FAM149A: variants seen among roughly 807,000 people sequenced by gnomAD.
FAM149A encodes the protein protein FAM149A.
FAM149A carries 71 observed loss-of-function variants against 78.2 expected under a neutral mutation model. That is an observed-to-expected ratio of 0.91 (90% CI 0.75 to 1.11). The LOEUF is 1.11. Among genes scored for constraint, FAM149A ranks in the 50% least tolerant of loss-of-function variants. The probability of loss-of-function intolerance (pLI) is 0.00; values close to 1 mark genes in which losing one functional copy is unlikely to be tolerated. For missense variants in FAM149A, 1,036 were observed against 971.0 expected (o/e 1.07, Z -0.89); for synonymous variants, 446 against 410.5 (o/e 1.09, Z -1.04).
At position 186,154,488 on chromosome 4, in the gene FAM149A, A is replaced by C. The variant is rs1733873180; in HGVS notation, c.1079A>C (p.Gln360Pro). Residue 360 changes from glutamine (Q) to proline (P), a missense_variant, in exon 6 of 14, where the codon CAA (glutamine) becomes CCA (proline). Transcript: ENST00000389354. ...CATAGGTTGTGCATTTCTGGCTCTC[A>C]AATAGTCCCAGCAGCACTCTCAGCC... is the stretch of plus-strand genomic sequence containing the variant. 1.2e-6 allele frequency: 2 copies of C among 1,611,878 alleles called. No homozygotes were observed. Among genetic ancestry groups the C allele is most frequent in the East Asian group, 4.5e-5 (2 of 44,840 alleles).
chr4:186,167,247 C>G lies in FAM149A; in HGVS notation c.2203C>G (p.Gln735Glu), dbSNP rs1735124587. 2 of 1,613,032 alleles carry G rather than the reference C, an allele frequency of 1.2e-6. No homozygotes were observed. Among genetic ancestry groups the G allele is most frequent in the Non-Finnish European group, 1.7e-6 (2 of 1,179,048 alleles). ...ATTTGCTGCTCACACATGGACAGGT[C>G]AAAGTATTTTGACAGGTCAGCTTTT... Residue 735 changes from glutamine (Q) to glutamate (E), a missense_variant, in exon 13 of 14, where the codon CAA becomes GAA. By Grantham distance (29) the Gln-to-Glu change is conservative. Transcript: ENST00000389354.
intron 6 of FAM149A, chr4:186,154,864 G>T: frequency 2.0e-6 from 2 of 985,384 alleles, no homozygotes; most frequent in Non-Finnish European, 2.4e-6. Flanking sequence ...AGCAGACAAG[G>T]CTCCTCGCAG....
At chr4:186,109,787 AC>A in intron 1 of FAM149A, 2 of 984,180 alleles carry the variant, frequency 2.0e-6, no homozygotes, top group Non-Finnish European at 2.4e-6. Context: ...CATTATATTT[AC>A]CATGTGGCTG....
At chr4:186,162,806 A>G (rs1272062728) in intron 8 of FAM149A, 39 bp from the exon 9 acceptor site, 1 of 1,038,508 alleles carries the variant, frequency 9.6e-7, no homozygotes, top group Non-Finnish European at 1.4e-6. Flanking sequence ...GGGCATTTGT[A>G]ATTCTTTTTT....
rs955742265 is a variant in FAM149A at position 186,164,718 on chromosome 4, CCTT to C, written c.1890-624_1890-622del. ...CAGCCTACCTGGGCCCCCTGTCACA[CCTT>C]CATCAAATAGAAACCCATTTATGTT... is the stretch of plus-strand genomic sequence containing the variant. On this transcript the variant is annotated intron_variant, in intron 10 of 13. Coordinates refer to ENST00000389354, the MANE Select transcript of FAM149A (RefSeq NM_001367768.3). The surrounding 1 kb of genome is among the most constrained non-coding windows in gnomAD (Gnocchi z 4.0). 6.6e-6 allele frequency among the ~76,000 whole-genome samples: 1 copy of C among 152,170 alleles called. No homozygotes were observed. The highest frequency in any genetic ancestry group is 2.4e-5 in the African/African-American group (1 of 41,428).
Position 186,163,038 on chromosome 4 carries a change from G to A in FAM149A, c.1679+90G>A, listed in dbSNP as rs537806729. The stretch of plus-strand genomic sequence containing the variant: ...AAGACTGCAGGGGACATGAGATCAC[G>A]AAGGTCCCATTTAATCCCGTGCTTC... On this transcript the variant is annotated intron_variant, in intron 9 of 13. Transcript: ENST00000389354. The A allele has an allele frequency of 1.9e-4, 151 of 794,300 alleles. No homozygotes were observed. In the African/African-American group the frequency reaches 2.3e-3, roughly 12 times the overall value. The allele number at this position is 794,300 out of a possible 1,614,324, so 49.2% of individuals were successfully genotyped here.
At position 186,157,623 on chromosome 4, in the gene FAM149A, C is replaced by T. The variant is rs369408594; in HGVS notation, c.1479C>T (p.Leu493=). 1.1e-5 allele frequency: 17 copies of T among 1,614,006 alleles called. No individual in the cohort carries two copies. The highest frequency in any genetic ancestry group is 1.4e-5 in the Non-Finnish European group (16 of 1,179,966). Reference sequence around the variant, plus strand: ...CTGGAAACAGATTTCCGCACGTCCTCGTTCCACACGCTCACGCCGATGGAG... The same window carrying T: ...CTGGAAACAGATTTCCGCACGTCCTTGTTCCACACGCTCACGCCGATGGAG... The change falls in exon 8 of 14, where the codon CTC becomes CTT. Residue 493 remains leucine (L), a synonymous_variant. Coordinates refer to ENST00000389354, the MANE Select transcript of FAM149A (RefSeq NM_001367768.3).
rs199974065 is a variant in FAM149A, at chr4:186,158,840, G to A, written c.1575+1121G>A. 19 of 990,128 alleles carry A rather than the reference G, an allele frequency of 1.9e-5. No individual in the cohort carries two copies. In the East Asian group the frequency reaches 5.5e-4, roughly 29 times the overall value. 61.3% of individuals were successfully genotyped at this position (990,128 alleles called of 1,614,324 possible). A position where few individuals can be genotyped will look rare whatever the true frequency, so the allele number is the denominator to read the frequency against. ...GAATGAGGAGGATCAACCACTGAGC[G>A]GTCTCAAGCTGTTCTTCCACAGGCC... is the stretch of plus-strand genomic sequence containing the variant. On this transcript the variant is annotated intron_variant, in intron 8 of 13. Transcript: ENST00000389354.
intron 1 of FAM149A, among the ~76,000 whole-genome samples, chr4:186,139,651 G>A (rs563102414): frequency 1.3e-5 from 2 of 152,274 alleles, no homozygotes; most frequent in African/African-American, 4.8e-5. Flanking sequence ...CACCTAATAC[G>A]TTTCTGTTGT....
chr4:186,116,377 G>C (rs931843087), intron 1 of FAM149A: 191 of 695,860 alleles, frequency 2.7e-4, no homozygotes, highest in Non-Finnish European at 1.2e-4. Flanking sequence ...GCTGGGAGCT[G>C]TAGACCGGAG....
chr4:186,163,219 G>A (rs1734752765), intron 9 of FAM149A, among the ~76,000 whole-genome samples: 1 of 152,210 alleles, frequency 6.6e-6, no homozygotes, highest in Non-Finnish European at 1.5e-5. Flanking sequence ...ATTACTGACA[G>A]GGAAAACCTT....
intron 1 of FAM149A, among the ~76,000 whole-genome samples, chr4:186,132,456 G>A (rs1410842587): frequency 6.6e-6 from 1 of 152,216 alleles, no homozygotes; most frequent in Non-Finnish European, 1.5e-5. Flanking sequence ...TGGGCTGAAT[G>A]TCTGTGTCTT....
At chr4:186,122,552 G>C (rs1402272980) in intron 1 of FAM149A, among the ~76,000 whole-genome samples, 1 of 152,146 alleles carries the variant, frequency 6.6e-6, no homozygotes, top group African/African-American at 2.4e-5. Flanking sequence ...AAATGGTCCG[G>C]AATAAAATAT....
chr4:186,167,530 A>G (rs1021419452), intron 13 of FAM149A: 6 of 462,970 alleles, frequency 1.3e-5, no homozygotes, highest in African/African-American at 1.3e-4. Context: ...AAAAAAAAAA[A>G]AATGCTGTCT....
At chr4:186,107,981 C>T (rs992058815) in intron 1 of FAM149A, among the ~76,000 whole-genome samples, 10 of 152,270 alleles carry the variant, frequency 6.6e-5, no homozygotes, top group East Asian at 5.8e-4. Context: ...AGTATTAAGA[C>T]GGCTTTTCTT....
chr4:186,123,848 A>C, intron 1 of FAM149A: 1 of 984,244 alleles, frequency 1.0e-6, no homozygotes, highest in Non-Finnish European at 1.2e-6. Flanking sequence ...TAGAATAGTT[A>C]AGCAGCAAAT....
At chr4:186,117,122 A>G (rs1336682671) in intron 1 of FAM149A, among the ~76,000 whole-genome samples, 8 of 152,190 alleles carry the variant, frequency 5.3e-5, no homozygotes, top group Non-Finnish European at 8.8e-5. Flanking sequence ...GATCATCTAT[A>G]CAAACTTGTC....
At chr4:186,117,592 C>T (rs949148966) in intron 1 of FAM149A, 22 of 985,260 alleles carry the variant, frequency 2.2e-5, no homozygotes, top group African/African-American at 1.2e-4. Flanking sequence ...TGAGCAAAGC[C>T]GTGGAGGCCC....
At chr4:186,142,310 C>T (rs1387525874) in intron 1 of FAM149A, among the ~76,000 whole-genome samples, 1 of 152,050 alleles carries the variant, frequency 6.6e-6, no homozygotes, top group Non-Finnish European at 1.5e-5. Context: ...CTCTCTAGTT[C>T]GCAGGTCTTC....
Sources: gnomAD v4.1 joint callset for allele counts (sites outside exome capture counted in the v4.1 genomes callset) on GRCh38, gnomAD v4.1.1 for gene constraint, Gnocchi (gnomAD v3.1) non-coding constraint, MANE v1.5 for transcripts, NCBI Gene and HGNC (gene_info 2026-07-23, HGNC 2026-07-21) for gene names.